The following SCAPER variants were observed in gnomAD, a reference collection of about 807,000 sequenced individuals.
The protein encoded by SCAPER is S-phase cyclin A associated protein in the ER.
In SCAPER, 98 loss-of-function variants were observed where a neutral mutation model predicts 182.2. The observed-to-expected ratio is 0.54, with a 90% CI of 0.46 to 0.64. The LOEUF is 0.64. Ranked by LOEUF, SCAPER falls within the 30% of genes least tolerant of loss-of-function variation. The pLI is 0.00. For synonymous variants in SCAPER, 605 were observed against 564.6 expected (o/e 1.07, Z -1.01); for missense variants, 1,432 against 1,690.0 (o/e 0.85, Z 2.68).
At chr15:76,405,566 A>C (rs2044769751) in intron 26 of SCAPER, among the ~76,000 whole-genome samples, 1 of 152,236 alleles carries the variant, frequency 6.6e-6, no homozygotes, top group Non-Finnish European at 1.5e-5. Flanking sequence ...AATCATTTCC[A>C]TCTTTTCAGT....
chr15:76,481,444 C>T (rs2051133496), intron 24 of SCAPER, among the ~76,000 whole-genome samples: 1 of 152,074 alleles, frequency 6.6e-6, no homozygotes, highest in Admixed American at 6.5e-5. Flanking sequence ...CTAAGTGTAA[C>T]AGGCAACAAT....
chr15:76,787,069 C>A (rs917334506), intron 8 of SCAPER, among the ~76,000 whole-genome samples: 1 of 152,170 alleles, frequency 6.6e-6, no homozygotes, highest in Non-Finnish European at 1.5e-5. Flanking sequence ...GATTAACTCT[C>A]TCTAAATTGA....
chr15:76,379,363 G>GAAA (rs1860988877), intron 28 of SCAPER, among the ~76,000 whole-genome samples: 2 of 152,144 alleles, frequency 1.3e-5, no homozygotes, highest in Non-Finnish European at 2.9e-5. Flanking sequence ...AGGAAGAAAA[G>GAAA]GTACTGGAGA....
chr15:76,706,025 A>G (rs747891428), intron 17 of SCAPER, 41 bp from the exon 18 acceptor site: 21 of 1,457,126 alleles, frequency 1.4e-5, no homozygotes, highest in Non-Finnish European at 1.9e-5. Context: ...AACTGCTTAA[A>G]GTAACAAATC....
chr15:76,391,589 A>G (rs1296675708), intron 27 of SCAPER, among the ~76,000 whole-genome samples: 3 of 152,238 alleles, frequency 2.0e-5, no homozygotes, highest in Non-Finnish European at 4.4e-5. Flanking sequence ...AAAGAAGAAC[A>G]TGAGATGTGG....
chr15:76,737,130 C>G (rs2061316010), intron 15 of SCAPER: 1 of 152,492 alleles, frequency 6.6e-6, no homozygotes, highest in African/African-American at 2.4e-5. Flanking sequence ...ATGGTGAGTC[C>G]TTTCCAGAAA....
chr15:76,531,024 G>A (rs2043616448), intron 23 of SCAPER, among the ~76,000 whole-genome samples: 4 of 151,412 alleles, frequency 2.6e-5, no homozygotes. Flanking sequence ...ACCACAAAGA[G>A]ATTAAAAATA....
intron 7 of SCAPER, 69 bp downstream of exon 7, chr15:76,800,179 C>G: frequency 1.4e-6 from 1 of 730,956 alleles, no homozygotes; most frequent in Non-Finnish European, 2.2e-6. Flanking sequence ...ATATCAGAAT[C>G]ATAATACTAT....
intron 25 of SCAPER, among the ~76,000 whole-genome samples, chr15:76,436,561 T>C (rs1596609294): frequency 1.3e-5 from 2 of 152,278 alleles, no homozygotes; most frequent in South Asian, 4.1e-4. Context: ...TTTGGTAGTG[T>C]CTTGTTTTTA....
chr15:76,734,808 G>C (rs1209807210), intron 15 of SCAPER, among the ~76,000 whole-genome samples: 8 of 152,062 alleles, frequency 5.3e-5, no homozygotes, highest in African/African-American at 1.9e-4. Context: ...GGAGGTAGGG[G>C]TTGTAGTGAA....
rs184003295 is a variant in SCAPER at position 76,621,818 on chromosome 15, T to C, written c.2657A>G (p.Tyr886Cys). Residue 886 changes from tyrosine (Y) to cysteine (C), a missense_variant, in exon 22 of 32, where the codon TAT becomes TGT. Around this residue, in one of 5 missense-constraint regions of SCAPER, gnomAD observed 718 missense variants for 799.7 expected, o/e 0.90. Transcript: ENST00000563290. Reference protein sequence around the residue: ...KARMNFRAKEYESLMETKNSG... With the variant: ...KARMNFRAKECESLMETKNSG... ...ATTTTTGGTTTCCATTAAACTCTCA[T>C]ATTCCTTAGCCCTGAAGAGAAAAAA... 1.2e-6 allele frequency: 2 copies of C among 1,605,502 alleles called. No individual in the cohort carries two copies. Among genetic ancestry groups the C allele is most frequent in the South Asian group, 1.1e-5 (1 of 89,242 alleles).
chr15:76,686,646 C>A (rs1047141171), intron 20 of SCAPER, among the ~76,000 whole-genome samples: 7 of 151,906 alleles, frequency 4.6e-5, no homozygotes, highest in African/African-American at 1.4e-4. Context: ...AACTTAAAAA[C>A]AACATAAACA....
At chr15:76,842,048 T>C (rs1365995269) in intron 4 of SCAPER, 117 bp from the exon 5 acceptor site, 1 of 857,324 alleles carries the variant, frequency 1.2e-6, no homozygotes, top group African/African-American at 1.7e-5. Context: ...AAAAAGCATC[T>C]GTACTGAACA....
intron 22 of SCAPER, among the ~76,000 whole-genome samples, chr15:76,591,283 C>T (rs77475362): frequency 0.069 from 10,189 of 147,660 alleles, 384 homozygotes; most frequent in Middle Eastern, 0.11. Context: ...GGAACCCTTC[C>T]GAGTGCAGGC....
intron 1 of SCAPER, among the ~76,000 whole-genome samples, chr15:76,886,350 C>T (rs545676604): frequency 5.8e-4 from 88 of 152,056 alleles, no homozygotes; most frequent in African/African-American, 2.0e-3. Context: ...TGTGGTGGTG[C>T]GCGCCTGTAA....
chr15:76,387,997 A>G (rs925515678), intron 27 of SCAPER, among the ~76,000 whole-genome samples: 1 of 152,222 alleles, frequency 6.6e-6, no homozygotes, highest in African/African-American at 2.4e-5. Context: ...CAGGAGTACA[A>G]TGTACACAAC....
chr15:76,718,808 T>C (rs1313067720), intron 17 of SCAPER, among the ~76,000 whole-genome samples: 2 of 152,140 alleles, frequency 1.3e-5, no homozygotes, highest in East Asian at 3.8e-4. Flanking sequence ...AAAGGTGATG[T>C]ACACCATTAA....
chr15:76,485,605 G>T (rs1264243136), intron 24 of SCAPER, among the ~76,000 whole-genome samples: 1 of 152,110 alleles, frequency 6.6e-6, no homozygotes, highest in Non-Finnish European at 1.5e-5. Flanking sequence ...GGAAAAAGCT[G>T]GAGGCATCAC....
chr15:76,627,987 C>T (rs1019600537), intron 21 of SCAPER, among the ~76,000 whole-genome samples: 8 of 152,046 alleles, frequency 5.3e-5, no homozygotes, highest in Non-Finnish European at 7.4e-5. Flanking sequence ...CCATTCTGAC[C>T]GGCATGAGAT....
Sources: allele counts gnomAD v4.1 joint callset (sites outside exome capture counted in the v4.1 genomes callset), GRCh38; gene constraint gnomAD v4.1.1; regional missense constraint gnomAD v4.1.1; transcripts MANE v1.5; gene names NCBI Gene and HGNC (gene_info 2026-07-23, HGNC 2026-07-21).